Variants in HIBCH observed in about 807,000 individuals in gnomAD.
HIBCH encodes 3-hydroxyisobutyryl-CoA hydrolase, mitochondrial.
A neutral mutation model predicts 58.2 loss-of-function variants in HIBCH; 50 were observed. The ratio of observed to expected loss-of-function variants is 0.86; its 90% CI spans 0.68 to 1.09. The LOEUF is 1.09. HIBCH is among the 50% of genes least tolerant of loss of function. HIBCH has a pLI of 0.00. For missense variants in HIBCH, 450 were observed against 449.7 expected (o/e 1.00, Z -0.01); for synonymous variants, 151 against 146.9 (o/e 1.03, Z -0.20).
intron 6 of HIBCH, among the ~76,000 whole-genome samples, chr2:190,273,704 TAAA>T (rs34435266): frequency 0.53 from 79,908 of 151,596 alleles, 21,922 homozygotes; most frequent in South Asian, 0.61. Context: ...CCAGTTTTTT[TAAA>T]AAAAAAAGAG....
chr2:190,308,871 T>G (rs561911502), intron 2 of HIBCH, among the ~76,000 whole-genome samples: 19 of 152,296 alleles, frequency 1.2e-4, no homozygotes, highest in African/African-American at 4.1e-4. Flanking sequence ...TCAGAGGCTA[T>G]AGGGCGTACA....
At position 190,206,960 on chromosome 2, in the gene HIBCH, C is replaced by T. The variant is rs1690405411; in HGVS notation, c.1046-1728G>A. Among the ~76,000 whole-genome samples the T allele has an allele frequency of 6.6e-6, 1 of 152,024 alleles. No individual in the cohort carries two copies. Among genetic ancestry groups the T allele is most frequent in the African/African-American group, 2.4e-5 (1 of 41,392 alleles). ...CTAACACTGTGAAACCCCGTCTCTA[C>T]TAAAAATACAAAAAAATTAGGCGTG... On this transcript the variant is annotated intron_variant, in intron 13 of 13. Coordinates refer to ENST00000359678, the MANE Select transcript of HIBCH (RefSeq NM_014362.4). This position sits in a 1 kb window ranked among gnomAD's most constrained non-coding sequence, Gnocchi z 5.1.
At chr2:190,276,683 T>G (rs1687562319) in intron 6 of HIBCH, among the ~76,000 whole-genome samples, 1 of 152,188 alleles carries the variant, frequency 6.6e-6, no homozygotes, top group Non-Finnish European at 1.5e-5. Flanking sequence ...CCTGAAGCCC[T>G]CACCAGAAGC....
In HIBCH at chr2:190,243,741, G is replaced by GTGAA. The variant is rs1575719474; in HGVS notation, c.891+1142_891+1145dup. 3.3e-5 allele frequency among the ~76,000 whole-genome samples: 5 copies of GTGAA among 152,174 alleles called. No homozygotes were observed. The East Asian group carries it at 9.6e-4, about 29-fold the overall frequency. ...CCAGCACTTTGGGAAGCTGAGGTGG[G>GTGAA]TGAATCACTTGAGCCTAGGAGGTCG... is the stretch of plus-strand genomic sequence containing the variant. On this transcript the variant is annotated intron_variant, in intron 11 of 13. Transcript: ENST00000359678. The surrounding 1 kb of genome is among the most constrained non-coding windows in gnomAD (Gnocchi z 4.1).
At chr2:190,277,618 C>T (rs146867668) in intron 6 of HIBCH, among the ~76,000 whole-genome samples, 180 of 152,260 alleles carry the variant, frequency 1.2e-3, no homozygotes, top group Admixed American at 2.2e-3. Flanking sequence ...ACTTTGAGTT[C>T]CTTCATAATA....
At chr2:190,201,308 G>T (rs988052571), downstream of HIBCH, 1 of 166,868 alleles carries the variant, frequency 6.0e-6, no homozygotes, top group Admixed American at 6.6e-5. Context: ...AGTACTGTTT[G>T]AAGATCAGTG....
At position 190,304,370 on chromosome 2, in the gene HIBCH, A is replaced by G. The variant is rs1328771399; in HGVS notation, c.78+6384T>C. 6.6e-6 allele frequency among the ~76,000 whole-genome samples: 1 copy of G among 152,142 alleles called. No individual in the cohort carries two copies. Among genetic ancestry groups the G allele is most frequent in the East Asian group, 1.9e-4 (1 of 5,198 alleles). ...CTGGTGGGGACTCTGCAGAGACCCA[A>G]GGAGGTACAGGGCATCATATGTCAA... On this transcript the variant is annotated intron_variant, in intron 2 of 13. Coordinates refer to ENST00000359678, the MANE Select transcript of HIBCH (RefSeq NM_014362.4). The surrounding 1 kb of genome is among the most constrained non-coding windows in gnomAD (Gnocchi z 4.1).
rs1210609364 is a variant in HIBCH, at chr2:190,315,205, C to T, written c.36-4409G>A. Reference sequence around the variant, plus strand: ...TTCTTTCTTGATCCGCCCGCCTCAGCCTCCCAAAGTGCTGAAATTACAGGC... The same window carrying T: ...TTCTTTCTTGATCCGCCCGCCTCAGTCTCCCAAAGTGCTGAAATTACAGGC... On this transcript the variant is annotated intron_variant, in intron 1 of 13. Coordinates refer to ENST00000359678, the MANE Select transcript of HIBCH (RefSeq NM_014362.4). This position sits in a 1 kb window ranked among gnomAD's most constrained non-coding sequence, Gnocchi z 5.4. 6.6e-6 allele frequency among the ~76,000 whole-genome samples: 1 copy of T among 152,208 alleles called. No individual in the cohort carries two copies. Among genetic ancestry groups the T allele is most frequent in the Non-Finnish European group, 1.5e-5 (1 of 68,034 alleles).
chr2:190,282,843 CAAAAAA>C (rs58381283), intron 6 of HIBCH, among the ~76,000 whole-genome samples: 5 of 140,234 alleles, frequency 3.6e-5, no homozygotes, highest in Non-Finnish European at 6.2e-5. Context: ...ACGAGAAGGC[CAAAAAA>C]AAAAAAAAAA....
intron 7 of HIBCH, among the ~76,000 whole-genome samples, chr2:190,260,746 T>C (rs904366206): frequency 6.6e-6 from 1 of 152,194 alleles, no homozygotes; most frequent in Non-Finnish European, 1.5e-5. Context: ...ACTGGAATGA[T>C]TGTATTTCCA....
At chr2:190,251,580 G>A (rs1226589497) in intron 8 of HIBCH, 3 of 435,108 alleles carry the variant, frequency 6.9e-6, no homozygotes, top group Non-Finnish European at 1.4e-5. Flanking sequence ...AAAATGGGGG[G>A]CAAAAGAGGC....
chr2:190,290,380 A>G, intron 5 of HIBCH, 25 bp downstream of exon 5: 1 of 1,486,272 alleles, frequency 6.7e-7, no homozygotes, highest in African/African-American at 1.4e-5. Flanking sequence ...TTCCATTTCC[A>G]AAGCTCTGAG....
chr2:190,194,745 T>C (rs74855237), intron 1 of HIBCH, among the ~76,000 whole-genome samples: 4,696 of 152,230 alleles, frequency 0.031, 247 homozygotes, highest in African/African-American at 0.11. Context: ...GTCTCCAGAG[T>C]CTTGCCATTT....
intron 11 of HIBCH, among the ~76,000 whole-genome samples, chr2:190,230,270 G>A (rs1256788510): frequency 6.6e-6 from 1 of 152,010 alleles, no homozygotes; most frequent in Non-Finnish European, 1.5e-5. Context: ...AAGTAAATGG[G>A]GATGGTGGGT....
At position 190,316,595 on chromosome 2, in the gene HIBCH, A is replaced by G. The variant is rs368214079; in HGVS notation, c.35+3121T>C. ...AATGGAAACCCTGGGTCTATATTCTATAAGGGCAACAATGGCTGGGGCTGA... is the reference window on the plus strand; with the variant it reads ...AATGGAAACCCTGGGTCTATATTCTGTAAGGGCAACAATGGCTGGGGCTGA... On this transcript the variant is annotated intron_variant, in intron 1 of 13. Coordinates refer to ENST00000359678, the MANE Select transcript of HIBCH (RefSeq NM_014362.4). Among the ~76,000 whole-genome samples the G allele has an allele frequency of 6.6e-5, 10 of 152,302 alleles. No individual in the cohort carries two copies. In the East Asian group the frequency reaches 1.9e-3, roughly 29 times the overall value.
chr2:190,264,951 T>G (rs1687191065), intron 6 of HIBCH, among the ~76,000 whole-genome samples: 1 of 151,794 alleles, frequency 6.6e-6, no homozygotes, highest in Admixed American at 6.6e-5. Context: ...GGTGAAACCC[T>G]GTCTCTACTA....
At chr2:190,300,989 A>G (rs1199001167) in intron 2 of HIBCH, among the ~76,000 whole-genome samples, 2 of 151,620 alleles carry the variant, frequency 1.3e-5, no homozygotes, top group South Asian at 2.1e-4. Flanking sequence ...AGTTAGTCAA[A>G]AGAGAAATCT....
intron 12 of HIBCH, among the ~76,000 whole-genome samples, chr2:190,212,162 T>C (rs1350586073): frequency 6.6e-6 from 1 of 152,228 alleles, no homozygotes; most frequent in African/African-American, 2.4e-5. Context: ...GCGTAGTACC[T>C]GCACATAATA....
In HIBCH at chr2:190,209,531, C is replaced by A. The variant is rs115907466; in HGVS notation, c.1012-618G>T. 6.7e-3 allele frequency among the ~76,000 whole-genome samples: 1,015 copies of A among 152,302 alleles called. 12 individuals carry two copies. Among genetic ancestry groups the A allele is most frequent in the African/African-American group, 0.022 (922 of 41,574 alleles). On this transcript the variant is annotated intron_variant, in intron 12 of 13. Coordinates refer to ENST00000359678, the MANE Select transcript of HIBCH (RefSeq NM_014362.4). The surrounding 1 kb of genome is among the most constrained non-coding windows in gnomAD (Gnocchi z 5.6). ...GAGCACACTCTTATTATAGTCTCAG[C>A]CAGTTACTTAACCTCTGACTTCTTT...
Sources: gnomAD v4.1 joint callset for allele counts (sites outside exome capture counted in the v4.1 genomes callset) on GRCh38, gnomAD v4.1.1 for gene constraint, Gnocchi (gnomAD v3.1) non-coding constraint, MANE v1.5 for transcripts, NCBI Gene and HGNC (gene_info 2026-07-23, HGNC 2026-07-21) for gene names.